TANC2: variants seen among roughly 807,000 people sequenced by gnomAD.
TANC2 encodes tetratricopeptide repeat, ankyrin repeat and coiled-coil containing 2.
TANC2 carries 26 observed loss-of-function variants against 210.5 expected under a neutral mutation model. The observed-to-expected ratio is 0.12, with a 90% CI of 0.09 to 0.17. The LOEUF (loss-of-function observed/expected upper bound fraction) is 0.17. TANC2 is among the 10% of genes least tolerant of loss of function. TANC2 has a pLI of 1.00. For synonymous variants in TANC2, 931 were observed against 967.1 expected (o/e 0.96, Z 0.69); for missense variants, 2,129 against 2,608.9 (o/e 0.82, Z 4.01).
intron 10 of TANC2, among the ~76,000 whole-genome samples, chr17:63,316,296 A>AAAGCTC (rs16715): frequency 0.44 from 66,673 of 151,410 alleles, 18,168 homozygotes; most frequent in African/African-American, 0.78. Context: ...AGGAAGCCAG[A>AAAGCTC]AAGCTCAAGC....
intron 5 of TANC2, among the ~76,000 whole-genome samples, chr17:63,156,034 G>A (rs557819932): frequency 5.9e-5 from 9 of 151,714 alleles, no homozygotes; most frequent in South Asian, 2.1e-4. Flanking sequence ...AAAAATTTCC[G>A]AGAACATTAT....
chr17:63,041,346 T>C (rs988408357), intron 2 of TANC2, among the ~76,000 whole-genome samples: 1 of 152,136 alleles, frequency 6.6e-6, no homozygotes, highest in Non-Finnish European at 1.5e-5. Flanking sequence ...GGATCTAAAA[T>C]GTTATATAAT....
chr17:63,345,271 T>C (rs72841383), intron 12 of TANC2, among the ~76,000 whole-genome samples: 2,835 of 152,328 alleles, frequency 0.019, 44 homozygotes, highest in Non-Finnish European at 0.029. Flanking sequence ...GGAAGAGATA[T>C]GTCATAAATG....
chr17:63,330,381 A>T (rs749023087), intron 11 of TANC2, among the ~76,000 whole-genome samples: 11 of 152,080 alleles, frequency 7.2e-5, no homozygotes, highest in Non-Finnish European at 1.5e-4. Context: ...TAAACCATAG[A>T]TTTTCCTTTT....
At chr17:63,224,142 G>A (rs2042267117) in intron 7 of TANC2, among the ~76,000 whole-genome samples, 1 of 151,844 alleles carries the variant, frequency 6.6e-6, no homozygotes, top group Non-Finnish European at 1.5e-5. Context: ...AAAGTAAGCA[G>A]CATCCTAATC....
rs181453305 is a variant in TANC2, at chr17:63,112,783, A to G, written c.322+13426A>G. Among the ~76,000 whole-genome samples, 387 of 152,338 alleles carry G rather than the reference A, an allele frequency of 2.5e-3. 3 individuals carry two copies. The highest frequency in any genetic ancestry group is 8.6e-3 in the African/African-American group (356 of 41,574). On this transcript the variant is annotated intron_variant, in intron 4 of 27. Transcript: ENST00000689528. Reference sequence around the variant, plus strand: ...ATCCTAACATGTGAAAAAGTTGTCAATCACTTGATTAATATCCTTTTTAGC... The same window carrying G: ...ATCCTAACATGTGAAAAAGTTGTCAGTCACTTGATTAATATCCTTTTTAGC...
At chr17:63,297,484 A>G (rs1479200251) in intron 9 of TANC2, among the ~76,000 whole-genome samples, 1 of 152,164 alleles carries the variant, frequency 6.6e-6, no homozygotes, top group South Asian at 2.1e-4. Flanking sequence ...AGCAAATGGT[A>G]CTGAGACAAC....
At chr17:63,413,688 T>G in intron 25 of TANC2, 54 bp downstream of exon 25, 1 of 1,454,638 alleles carries the variant, frequency 6.9e-7, no homozygotes, top group African/African-American at 1.4e-5. Context: ...CTGTTTTCCA[T>G]GTGTAGAATC....
intron 27 of TANC2, among the ~76,000 whole-genome samples, chr17:63,419,750 G>A (rs775670604): frequency 2.4e-4 from 37 of 152,206 alleles, no homozygotes; most frequent in Admixed American, 1.5e-3. Context: ...CTGACAAAAT[G>A]GGGCATTTCT....
chr17:63,266,092 C>T (rs2043516684), intron 8 of TANC2, among the ~76,000 whole-genome samples: 1 of 152,012 alleles, frequency 6.6e-6, no homozygotes, highest in Admixed American at 6.6e-5. Context: ...GAGATAGTGA[C>T]ATGTTCAGGC....
chr17:63,008,337 C>A (rs2033717141), intron 1 of TANC2, among the ~76,000 whole-genome samples: 2 of 152,102 alleles, frequency 1.3e-5, no homozygotes, highest in Non-Finnish European at 2.9e-5. Flanking sequence ...TTCAGTGGTT[C>A]CATATGCATC....
intron 3 of TANC2, among the ~76,000 whole-genome samples, chr17:63,076,565 G>A (rs891696143): frequency 2.6e-5 from 4 of 152,086 alleles, no homozygotes; most frequent in African/African-American, 7.2e-5. Flanking sequence ...TTAAATATGA[G>A]CAGCTAACAA....
chr17:63,426,074 C>T (rs2049135911), exon 28 of TANC2: 1 of 152,288 alleles, frequency 6.6e-6, no homozygotes, highest in Non-Finnish European at 1.5e-5. Flanking sequence ...TCTTGATGCT[C>T]CCAGTGCCCA....
chr17:63,228,395 A>T (rs1468934242), intron 7 of TANC2, among the ~76,000 whole-genome samples: 1 of 152,076 alleles, frequency 6.6e-6, no homozygotes, highest in Non-Finnish European at 1.5e-5. Flanking sequence ...TTTGCTTAGG[A>T]TTGCCTTGGC....
chr17:63,420,259 G>A lies in TANC2; in HGVS notation c.4529G>A (p.Gly1510Asp). The A allele has an allele frequency of 6.2e-7, 1 of 1,613,578 alleles. No individual in the cohort carries two copies. Among genetic ancestry groups the A allele is most frequent in the South Asian group, 1.1e-5 (1 of 91,050 alleles). The change falls in exon 28 of 28, where the codon GGC (glycine) becomes GAC (aspartate). Residue 1510 changes from glycine (G) to aspartate (D), a missense_variant. Transcript: ENST00000689528. The surrounding 1 kb of genome is among the most constrained non-coding windows in gnomAD (Gnocchi z 4.2). Reference sequence around the variant, plus strand: ...CAGGATGTTGAAAATGTTTCCATTGGCCTCCAGACAGAGGCCCGGCCCAGC... The same window carrying A: ...CAGGATGTTGAAAATGTTTCCATTGACCTCCAGACAGAGGCCCGGCCCAGC...
In TANC2 at chr17:63,129,890, A is replaced by G. The variant is rs76711260; in HGVS notation, c.323-21380A>G. On this transcript the variant is annotated intron_variant, in intron 4 of 27. Transcript: ENST00000689528. ...CTTTTAAGTGATCTTTATTATTAAT[A>G]ATGTAATAATTTTGAAAACTTTTAT... 7.4e-3 allele frequency among the ~76,000 whole-genome samples: 1,122 copies of G among 152,188 alleles called. 13 individuals carry two copies. The highest frequency in any genetic ancestry group is 0.025 in the African/African-American group (1,020 of 41,516).
chr17:63,381,315 G>A (rs1454084069), intron 15 of TANC2: 1 of 152,184 alleles, frequency 6.6e-6, no homozygotes, highest in Non-Finnish European at 1.5e-5. Context: ...CTCCATGTGT[G>A]ATTCAAGCCA....
intron 8 of TANC2, among the ~76,000 whole-genome samples, chr17:63,265,475 A>G (rs1449629895): frequency 1.3e-5 from 2 of 152,076 alleles, no homozygotes; most frequent in African/African-American, 2.4e-5. Context: ...ATTGGAATCT[A>G]TATCTGTGAA....
chr17:63,417,329 G>A (rs2048895254), intron 26 of TANC2, among the ~76,000 whole-genome samples: 1 of 152,152 alleles, frequency 6.6e-6, no homozygotes, highest in South Asian at 2.1e-4. Context: ...CTATACTGTG[G>A]CTTTGACACT....
Sources: gnomAD v4.1 joint callset for allele counts (sites outside exome capture counted in the v4.1 genomes callset) on GRCh38, gnomAD v4.1.1 for gene constraint, Gnocchi (gnomAD v3.1) non-coding constraint, MANE v1.5 for transcripts, NCBI Gene and HGNC (gene_info 2026-07-23, HGNC 2026-07-21) for gene names.